The following SNTG1 variants were observed in gnomAD, a reference collection of about 807,000 sequenced individuals.
SNTG1 encodes the protein syntrophin gamma 1.
A neutral mutation model predicts 74.7 loss-of-function variants in SNTG1; 39 were observed. The ratio of observed to expected loss-of-function variants is 0.52; its 90% CI spans 0.40 to 0.68. The LOEUF (loss-of-function observed/expected upper bound fraction) is 0.68. Among genes scored for constraint, SNTG1 ranks in the 30% least tolerant of loss-of-function variants. The probability of loss-of-function intolerance (pLI) is 0.00; values close to 1 mark genes in which losing one functional copy is unlikely to be tolerated. For missense variants in SNTG1, 685 were observed against 609.5 expected (o/e 1.12, Z -1.30); for synonymous variants, 254 against 217.1 (o/e 1.17, Z -1.49).
chr8:49,921,756 C>T (rs889985580), intron 1 of SNTG1, among the ~76,000 whole-genome samples: 20 of 152,026 alleles, frequency 1.3e-4, no homozygotes, highest in African/African-American at 4.8e-4. Context: ...GGGAAGACAT[C>T]TGTTTAAAGT....
intron 2 of SNTG1, among the ~76,000 whole-genome samples, chr8:50,382,876 C>A (rs572290434): frequency 2.9e-4 from 44 of 152,192 alleles, no homozygotes; most frequent in Non-Finnish European, 5.3e-4. Context: ...GGTAGGCTGG[C>A]AGAATGGAAA....
At chr8:50,142,150 G>T (rs2081682034) in intron 1 of SNTG1, among the ~76,000 whole-genome samples, 2 of 151,978 alleles carry the variant, frequency 1.3e-5, no homozygotes, top group South Asian at 4.1e-4. Flanking sequence ...TAGTATAGCT[G>T]TAATATTGTT....
intron 2 of SNTG1, among the ~76,000 whole-genome samples, chr8:50,289,072 G>C (rs1023480884): frequency 6.6e-6 from 1 of 152,096 alleles, no homozygotes; most frequent in Non-Finnish European, 1.5e-5. Context: ...GCTTTGCAAA[G>C]TTCCTCTAAG....
At chr8:50,236,599 C>T (rs913584409) in intron 2 of SNTG1, among the ~76,000 whole-genome samples, 1 of 151,836 alleles carries the variant, frequency 6.6e-6, no homozygotes, top group Admixed American at 6.6e-5. Context: ...TACAGGCGCC[C>T]GCCACTGCGC....
intron 1 of SNTG1, among the ~76,000 whole-genome samples, chr8:49,979,067 C>T (rs1181709785): frequency 6.6e-6 from 1 of 152,222 alleles, no homozygotes; most frequent in Non-Finnish European, 1.5e-5. Context: ...CATTCTATTT[C>T]GGTACATTAA....
intron 1 of SNTG1, among the ~76,000 whole-genome samples, chr8:50,153,482 T>C (rs1052394570): frequency 6.6e-6 from 1 of 152,170 alleles, no homozygotes; most frequent in Non-Finnish European, 1.5e-5. Context: ...GGTACTCTGA[T>C]TTTTAGAATT....
At chr8:50,020,031 GA>G (rs923410802) in intron 1 of SNTG1, among the ~76,000 whole-genome samples, 2 of 151,886 alleles carry the variant, frequency 1.3e-5, no homozygotes, top group African/African-American at 4.8e-5. Context: ...TTAACCTTTA[GA>G]AAAAAAATCA....
chr8:50,701,597 C>G (rs187406927), intron 15 of SNTG1, among the ~76,000 whole-genome samples: 2 of 138,726 alleles, frequency 1.4e-5, no homozygotes, highest in Non-Finnish European at 3.1e-5. Flanking sequence ...TCTTCTTCTT[C>G]TTCTTCTTCT....
At chr8:50,643,390 C>G (rs547249237) in intron 13 of SNTG1, among the ~76,000 whole-genome samples, 32 of 152,290 alleles carry the variant, frequency 2.1e-4, no homozygotes, top group Admixed American at 4.6e-4. Flanking sequence ...GCCGTGGTCT[C>G]CCCATTTGAG....
intron 2 of SNTG1, among the ~76,000 whole-genome samples, chr8:50,200,893 G>A (rs2083961917): frequency 6.6e-6 from 1 of 152,072 alleles, no homozygotes; most frequent in African/African-American, 2.4e-5. Context: ...ATAAATTGTT[G>A]ACTTTGTTCT....
intron 4 of SNTG1, 68 bp downstream of exon 4, chr8:50,402,412 A>C: frequency 2.0e-6 from 3 of 1,504,732 alleles, no homozygotes; most frequent in African/African-American, 1.4e-5. Flanking sequence ...GTTTATTCAC[A>C]GGGCATTTTA....
chr8:50,496,440 G>T (rs2093904993), intron 8 of SNTG1, among the ~76,000 whole-genome samples: 1 of 152,108 alleles, frequency 6.6e-6, no homozygotes, highest in African/African-American at 2.4e-5. Flanking sequence ...TTAAAAGCAA[G>T]CTCAGCTATG....
chr8:49,944,673 A>C (rs1809004913), intron 1 of SNTG1, among the ~76,000 whole-genome samples: 1 of 151,666 alleles, frequency 6.6e-6, no homozygotes. Context: ...GCACATGTAT[A>C]CATGTGTAAC....
chr8:50,560,416 C>T (rs1410044834), intron 12 of SNTG1, among the ~76,000 whole-genome samples: 1 of 152,134 alleles, frequency 6.6e-6, no homozygotes, highest in Admixed American at 6.5e-5. Flanking sequence ...GACACATGCA[C>T]GTGTATGCTC....
chr8:50,339,132 G>A (rs1176977866), intron 2 of SNTG1, among the ~76,000 whole-genome samples: 2 of 151,906 alleles, frequency 1.3e-5, no homozygotes, highest in East Asian at 1.9e-4. Context: ...AGAAACAAGT[G>A]GAGTGAAATA....
intron 2 of SNTG1, among the ~76,000 whole-genome samples, chr8:50,209,556 G>A (rs7817638): frequency 0.43 from 65,505 of 152,062 alleles, 17,859 homozygotes; most frequent in African/African-American, 0.78. Context: ...AACATTTGCC[G>A]TTCTGCAAGA....
Position 50,650,652 on chromosome 8 carries a change from T to A in SNTG1, c.850-6257T>A, listed in dbSNP as rs1330494238. On this transcript the variant is annotated intron_variant, in intron 13 of 18. Transcript: ENST00000642720. ...TCTATATTTAAAACAAATTTCTTTC[T>A]GCATCTATTCTGACATTTGTCTAAG... Among the ~76,000 whole-genome samples, 8 of 152,070 alleles carry A rather than the reference T, an allele frequency of 5.3e-5. No homozygotes were observed. In the East Asian group the frequency reaches 1.5e-3, roughly 29 times the overall value.
At chr8:50,709,197 G>A (rs1365532086) in intron 17 of SNTG1, 5 of 528,156 alleles carry the variant, frequency 9.5e-6, no homozygotes, top group Non-Finnish European at 1.7e-5. Flanking sequence ...CTATGTGAAA[G>A]TATTTATTTA....
intron 2 of SNTG1, among the ~76,000 whole-genome samples, chr8:50,346,171 A>G (rs888544233): frequency 2.1e-4 from 32 of 152,230 alleles, no homozygotes; most frequent in African/African-American, 7.7e-4. Flanking sequence ...TTATTTATAA[A>G]TCAAAGGTTT....
Sources: allele counts gnomAD v4.1 joint callset (sites outside exome capture counted in the v4.1 genomes callset), GRCh38; gene constraint gnomAD v4.1.1; transcripts MANE v1.5; gene names NCBI Gene and HGNC (gene_info 2026-07-23, HGNC 2026-07-21).